The following GRIP1 variants were observed in gnomAD, a reference collection of about 807,000 sequenced individuals.
GRIP1 encodes glutamate receptor-interacting protein 1.
Under a neutral mutation model 129.9 loss-of-function variants are expected in GRIP1, and 45 were observed. The ratio of observed to expected loss-of-function variants is 0.35; its 90% CI spans 0.27 to 0.44. The LOEUF (loss-of-function observed/expected upper bound fraction) is 0.44. Ranked by LOEUF, GRIP1 falls within the 20% of genes least tolerant of loss-of-function variation. The pLI, the probability that GRIP1 is intolerant of heterozygous loss-of-function variation, is 1.00. For synonymous variants in GRIP1, 530 were observed against 520.8 expected, an observed-to-expected ratio of 1.02 and a Z score of -0.24; for missense variants, 1,196 against 1,396.8, an observed-to-expected ratio of 0.86 and a Z score of 2.29.
intron 1 of GRIP1, among the ~76,000 whole-genome samples, chr12:66,731,715 C>T (rs74420615): frequency 0.012 from 1,801 of 152,142 alleles, 37 homozygotes; most frequent in African/African-American, 0.042. Flanking sequence ...TGTGAAGGTG[C>T]TTAATGCCAC....
intron 1 of GRIP1, among the ~76,000 whole-genome samples, chr12:66,930,777 T>A (rs1244369505): frequency 1.3e-5 from 2 of 152,212 alleles, no homozygotes; most frequent in Non-Finnish European, 2.9e-5. Context: ...TCTGTTTTCA[T>A]CCTAGAGGGA....
chr12:66,409,909 T>TA (rs1449381378), intron 15 of GRIP1, among the ~76,000 whole-genome samples: 2 of 151,968 alleles, frequency 1.3e-5, no homozygotes, highest in Admixed American at 1.3e-4. Flanking sequence ...ATTGACACAC[T>TA]AAAAAAATGC....
At chr12:66,408,712 GT>G (rs1430797487) in intron 15 of GRIP1, among the ~76,000 whole-genome samples, 1 of 152,120 alleles carries the variant, frequency 6.6e-6, no homozygotes, top group Non-Finnish European at 1.5e-5. Context: ...GTAGGGTAGA[GT>G]ACCAAGTGGG....
intron 1 of GRIP1, among the ~76,000 whole-genome samples, chr12:66,689,479 T>C (rs1357134156): frequency 6.6e-6 from 1 of 152,200 alleles, no homozygotes; most frequent in African/African-American, 2.4e-5. Flanking sequence ...CTTAAGTCTA[T>C]ATATACATTT....
At chr12:66,705,857 G>A (rs542219253) in intron 1 of GRIP1, among the ~76,000 whole-genome samples, 7 of 151,990 alleles carry the variant, frequency 4.6e-5, no homozygotes, top group South Asian at 2.1e-4. Flanking sequence ...AGCCATATGC[G>A]GAAAACTGAA....
rs116665708 is a variant in GRIP1, at chr12:66,419,417, T to G, written c.1838+1303A>C. 3.5e-3 allele frequency among the ~76,000 whole-genome samples: 540 copies of G among 152,238 alleles called. 5 individuals carry two copies. Among genetic ancestry groups the G allele is most frequent in the African/African-American group, 0.013 (522 of 41,526 alleles). ...CAGGGTGACTATGGTCAGTAGTAATTTAATTGTACACTTAAAAATAACTAA... is the reference window on the plus strand; with the variant it reads ...CAGGGTGACTATGGTCAGTAGTAATGTAATTGTACACTTAAAAATAACTAA... On this transcript the variant is annotated intron_variant, in intron 15 of 24. Coordinates refer to ENST00000359742, the MANE Select transcript of GRIP1 (RefSeq NM_001366722.1).
intron 1 of GRIP1, among the ~76,000 whole-genome samples, chr12:66,913,027 T>C (rs1311407157): frequency 6.6e-6 from 1 of 152,162 alleles, no homozygotes; most frequent in African/African-American, 2.4e-5. Flanking sequence ...TTATAGAAGC[T>C]GAAAAACTGC....
chr12:66,693,653 A>G (rs891327757), intron 1 of GRIP1, among the ~76,000 whole-genome samples: 5 of 152,266 alleles, frequency 3.3e-5, no homozygotes, highest in African/African-American at 1.2e-4. Context: ...ACACAAATTT[A>G]TATGCTCACA....
intron 1 of GRIP1, among the ~76,000 whole-genome samples, chr12:66,637,070 G>A (rs536595487): frequency 2.0e-5 from 3 of 152,084 alleles, no homozygotes; most frequent in African/African-American, 7.2e-5. Flanking sequence ...CAGCCAGGCC[G>A]CTTCATGGTG....
chr12:66,785,254 T>A (rs2038284295), intron 1 of GRIP1, among the ~76,000 whole-genome samples: 1 of 146,852 alleles, frequency 6.8e-6, no homozygotes, highest in African/African-American at 2.5e-5. Flanking sequence ...AGCTCAGGAG[T>A]TCAAGACCAG....
intron 1 of GRIP1, among the ~76,000 whole-genome samples, chr12:66,923,987 T>C (rs1208720294): frequency 6.6e-6 from 1 of 151,942 alleles, no homozygotes; most frequent in Non-Finnish European, 1.5e-5. Context: ...TGGGATTACA[T>C]GTATGTGCCA....
intron 1 of GRIP1, among the ~76,000 whole-genome samples, chr12:66,782,329 A>G (rs568729007): frequency 6.6e-6 from 1 of 152,292 alleles, no homozygotes; most frequent in South Asian, 2.1e-4. Flanking sequence ...GAAAGCAATT[A>G]AGAGCAGTTA....
At chr12:66,822,385 C>T (rs1292260672) in intron 1 of GRIP1, among the ~76,000 whole-genome samples, 1 of 152,134 alleles carries the variant, frequency 6.6e-6, no homozygotes, top group Non-Finnish European at 1.5e-5. Context: ...AAAGGGAATG[C>T]TTATTCATTG....
In GRIP1 at chr12:66,445,508, A is replaced by G; in HGVS notation, c.1355T>C (p.Leu452Ser). 6.2e-7 allele frequency: 1 copy of G among 1,608,450 alleles called. No individual in the cohort carries two copies. The highest frequency in any genetic ancestry group is 1.1e-5 in the South Asian group (1 of 90,688). Reference protein sequence around the residue: ...RLKKKDFKSSLSLASSTVGLA... With the variant: ...RLKKKDFKSSSSLASSTVGLA... ...TCCTACTGTGCTGGAGGCTAAGGAC[A>G]CTAGAGGAACAAACAGAAAATACTG... Residue 452 changes from leucine (L) to serine (S), a missense_variant and splice_region_variant, in exon 12 of 25, where the codon TTG (leucine) becomes TCG (serine). Coordinates refer to ENST00000359742, the MANE Select transcript of GRIP1 (RefSeq NM_001366722.1).
chr12:66,794,126 T>C (rs1468685828), intron 1 of GRIP1, among the ~76,000 whole-genome samples: 1 of 152,206 alleles, frequency 6.6e-6, no homozygotes, highest in Non-Finnish European at 1.5e-5. Context: ...TGTTTTCCTG[T>C]GCTACACAGA....
chr12:67,050,292 C>T (rs892071562), intron 1 of GRIP1, among the ~76,000 whole-genome samples: 2 of 151,902 alleles, frequency 1.3e-5, no homozygotes, highest in Admixed American at 1.3e-4. Context: ...GGGGATTCTT[C>T]ATTATTTGGA....
At chr12:66,705,291 A>G (rs933413328) in intron 1 of GRIP1, among the ~76,000 whole-genome samples, 1 of 152,092 alleles carries the variant, frequency 6.6e-6, no homozygotes, top group Non-Finnish European at 1.5e-5. Flanking sequence ...TAAAACTAAT[A>G]AAACTATCCA....
At chr12:66,993,779 A>C (rs1465318913) in intron 1 of GRIP1, among the ~76,000 whole-genome samples, 1 of 114,834 alleles carries the variant, frequency 8.7e-6, no homozygotes, top group Non-Finnish European at 1.8e-5. Flanking sequence ...CAACAGCATG[A>C]GGCTGTCTCA....
chr12:66,434,433 G>T (rs2058242244), intron 13 of GRIP1, among the ~76,000 whole-genome samples: 1 of 152,202 alleles, frequency 6.6e-6, no homozygotes. Context: ...GCCAGGAAGT[G>T]AATCCACATA....
Sources: allele counts gnomAD v4.1 joint callset (sites outside exome capture counted in the v4.1 genomes callset), GRCh38; gene constraint gnomAD v4.1.1; transcripts MANE v1.5; gene names NCBI Gene and HGNC (gene_info 2026-07-23, HGNC 2026-07-21).